Variants in C3orf18 observed in about 807,000 individuals in gnomAD.
C3orf18 encodes the protein uncharacterized protein C3orf18.
In C3orf18, 12 loss-of-function variants were observed where a neutral mutation model predicts 14.1. The observed-to-expected ratio is 0.85, with a 90% CI of 0.55 to 1.38. The LOEUF is 1.38. C3orf18 is among the 40% of genes most tolerant of loss of function. C3orf18 has a pLI of 0.00. For missense variants in C3orf18, 196 were observed against 213.9 expected (o/e 0.92, Z 0.52); for synonymous variants, 82 against 87.9 (o/e 0.93, Z 0.38).
upstream of C3orf18, among the ~76,000 whole-genome samples, chr3:50,568,494 G>A (rs1272627054): frequency 2.0e-5 from 3 of 152,194 alleles, no homozygotes; most frequent in Middle Eastern, 6.8e-3. Flanking sequence ...TTGAGAGGCC[G>A]AGGCGATGGA....
chr3:50,570,048 G>C (rs1489904542), upstream of C3orf18: 1 of 152,142 alleles, frequency 6.6e-6, no homozygotes, highest in Admixed American at 6.5e-5. Flanking sequence ...CACCATGCTG[G>C]CCAGGCTGGT....
intron 1 of C3orf18, among the ~76,000 whole-genome samples, chr3:50,566,706 G>T (rs1252026702): frequency 6.6e-6 from 1 of 152,146 alleles, no homozygotes; most frequent in Non-Finnish European, 1.5e-5. Context: ...GGGGACATTG[G>T]ACTGCCCTCC....
At chr3:50,571,890 AATGTCCAAGG>A (rs887523624), upstream of C3orf18, 128 of 1,433,682 alleles carry the variant, frequency 8.9e-5, no homozygotes, top group East Asian at 2.3e-4. Flanking sequence ...GGAGGAGGAG[AATGTCCAAGG>A]ACTAGGGAGG....
At position 50,558,955 on chromosome 3, in the gene C3orf18, G is replaced by A. The variant is rs773396261; in HGVS notation, c.*702C>T. 31 of 1,287,376 alleles carry A rather than the reference G, an allele frequency of 2.4e-5. No individual in the cohort carries two copies. Among genetic ancestry groups the A allele is most frequent in the Middle Eastern group, 2.1e-4 (1 of 4,708 alleles). The allele number at this position is 1,287,376 out of a possible 1,614,324, so 79.7% of individuals were successfully genotyped here. A position where few individuals can be genotyped will look rare whatever the true frequency, so the allele number is the denominator to read the frequency against. On this transcript the variant is annotated 3_prime_UTR_variant, in exon 6 of 6. Coordinates refer to ENST00000357203, the MANE Select transcript of C3orf18 (RefSeq NM_016210.5). ...TGAGGCCTCTCGGCAGGTCTGGGGG[G>A]GCTGCATCCTTCCACTTCCATTCCC... is the stretch of plus-strand genomic sequence containing the variant.
chr3:50,561,213 A>G (rs1699945837), intron 4 of C3orf18, 149 bp from the exon 5 acceptor site: 1 of 863,940 alleles, frequency 1.2e-6, no homozygotes, highest in Non-Finnish European at 1.8e-6. Context: ...AAAATGACAG[A>G]CATTTTTGCA....
intron 3 of C3orf18, among the ~76,000 whole-genome samples, chr3:50,564,300 T>C (rs1700157112): frequency 6.6e-6 from 1 of 152,246 alleles, no homozygotes; most frequent in South Asian, 2.1e-4. Flanking sequence ...GGTCCCTCAG[T>C]GACATTCTGA....
intron 5 of C3orf18, 48 bp from the exon 6 acceptor site, chr3:50,559,785 C>G: frequency 7.9e-7 from 1 of 1,272,864 alleles, no homozygotes; most frequent in South Asian, 1.5e-5. Flanking sequence ...CAAGGCCATG[C>G]ACTCACTGGC....
chr3:50,559,104 C>T lies in C3orf18; in HGVS notation c.*553G>A. The T allele has an allele frequency of 7.8e-7, 1 of 1,289,830 alleles. No homozygotes were observed. Among genetic ancestry groups the T allele is most frequent in the South Asian group, 1.2e-5 (1 of 81,030 alleles). 79.9% of individuals were successfully genotyped at this position (1,289,830 alleles called of 1,614,324 possible). On this transcript the variant is annotated 3_prime_UTR_variant, in exon 6 of 6. Transcript: ENST00000357203. ...TGGATGGACCCTGGGTGTGAATTGCCCTTCTCCTGGCATCCTTGCATACTG... is the reference window on the plus strand; with the variant it reads ...TGGATGGACCCTGGGTGTGAATTGCTCTTCTCCTGGCATCCTTGCATACTG...
chr3:50,566,050 C>G lies in C3orf18; in HGVS notation c.-207G>C, dbSNP rs1700271678. The G allele has an allele frequency of 4.5e-6, 1 of 222,080 alleles. No individual in the cohort carries two copies. Among genetic ancestry groups the G allele is most frequent in the Non-Finnish European group, 9.0e-6 (1 of 111,152 alleles). The allele number at this position is 222,080 out of a possible 1,614,324, so 13.8% of individuals were successfully genotyped here. A position where few individuals can be genotyped will look rare whatever the true frequency, so the allele number is the denominator to read the frequency against. On this transcript the variant is annotated 5_prime_UTR_variant, in exon 2 of 6. Coordinates refer to ENST00000357203, the MANE Select transcript of C3orf18 (RefSeq NM_016210.5). ...CCTGTTTTTGGGAACAAAAATGAAG[C>G]CCTGCATCCTCTGTCTGTGGGTGAG...
At chr3:50,562,805 C>T (rs554930508) in intron 3 of C3orf18, among the ~76,000 whole-genome samples, 50 of 152,288 alleles carry the variant, frequency 3.3e-4, no homozygotes, top group African/African-American at 1.1e-3. Flanking sequence ...CCTAAGAAGG[C>T]CCCTAGGTCC....
At chr3:50,566,880 A>AG (rs1450455842) in intron 1 of C3orf18, among the ~76,000 whole-genome samples, 2 of 152,162 alleles carry the variant, frequency 1.3e-5, no homozygotes, top group African/African-American at 4.8e-5. Flanking sequence ...GGGTGGGAAG[A>AG]GGTGCCAGCC....
chr3:50,568,732 A>G (rs1462484053), upstream of C3orf18, among the ~76,000 whole-genome samples: 1 of 150,910 alleles, frequency 6.6e-6, no homozygotes, highest in African/African-American at 2.4e-5. Context: ...TCTCAAAAAA[A>G]AAAAAAAAAA....
Position 50,566,053 on chromosome 3 carries a change from T to G in C3orf18, c.-210A>C. ...GTTTTTGGGAACAAAAATGAAGCCCTGCATCCTCTGTCTGTGGGTGAGATG... is the reference window on the plus strand; with the variant it reads ...GTTTTTGGGAACAAAAATGAAGCCCGGCATCCTCTGTCTGTGGGTGAGATG... On this transcript the variant is annotated 5_prime_UTR_variant, in exon 2 of 6. Transcript: ENST00000357203. The G allele has an allele frequency of 4.5e-6, 1 of 219,890 alleles. No homozygotes were observed. Among genetic ancestry groups the G allele is most frequent in the Non-Finnish European group, 9.1e-6 (1 of 109,402 alleles). 13.6% of individuals were successfully genotyped at this position (219,890 alleles called of 1,614,324 possible).
upstream of C3orf18, chr3:50,571,382 TG>T: frequency 7.2e-7 from 1 of 1,381,100 alleles, no homozygotes; most frequent in Non-Finnish European, 1.0e-6. Context: ...AGGGAGGACT[TG>T]GGGAAGGGAT....
upstream of C3orf18, chr3:50,571,807 C>T (rs1351973854): frequency 4.3e-6 from 7 of 1,612,616 alleles, no homozygotes; most frequent in Admixed American, 8.3e-5. Flanking sequence ...CAGAGGTGAG[C>T]ACCCATGGAT....
At position 50,558,422 on chromosome 3, in the gene C3orf18, G is replaced by A; in HGVS notation, c.*1235C>T. The A allele has an allele frequency of 3.3e-6, 1 of 303,338 alleles. No individual in the cohort carries two copies. The highest frequency in any genetic ancestry group is 6.5e-6 in the Non-Finnish European group (1 of 154,706). The allele number at this position is 303,338 out of a possible 1,614,324, so 18.8% of individuals were successfully genotyped here. A position where few individuals can be genotyped will look rare whatever the true frequency, so the allele number is the denominator to read the frequency against. ...TGCCAGGACCCCTGGTATCAGCCCT[G>A]ACCCTCCAAGGCTTATGGAGAGGCC... On this transcript the variant is annotated 3_prime_UTR_variant, in exon 6 of 6. Transcript: ENST00000357203.
chr3:50,564,194 C>T (rs112775303), intron 3 of C3orf18, among the ~76,000 whole-genome samples: 19 of 152,224 alleles, frequency 1.2e-4, no homozygotes, highest in African/African-American at 7.2e-5. Flanking sequence ...TCAGAGCCTG[C>T]GAGGAGCAGT....
chr3:50,573,473 C>A (rs971000575), upstream of C3orf18, among the ~76,000 whole-genome samples: 1 of 152,226 alleles, frequency 6.6e-6, no homozygotes, highest in African/African-American at 2.4e-5. Flanking sequence ...TCAGAGCTGA[C>A]CTGGCACCAG....
intron 3 of C3orf18, among the ~76,000 whole-genome samples, chr3:50,563,344 T>G (rs1334571521): frequency 6.6e-6 from 1 of 150,750 alleles, no homozygotes; most frequent in Non-Finnish European, 1.5e-5. Flanking sequence ...GGTCCCCACC[T>G]CTCAGCCCTT....
Sources: allele counts gnomAD v4.1 joint callset (sites outside exome capture counted in the v4.1 genomes callset), GRCh38; gene constraint gnomAD v4.1.1; transcripts MANE v1.5; gene names NCBI Gene and HGNC (gene_info 2026-07-23, HGNC 2026-07-21).